Variants in MTOR observed in about 807,000 individuals in gnomAD.
MTOR encodes the protein mechanistic target of rapamycin kinase.
In MTOR, 70 loss-of-function variants were observed where a neutral mutation model predicts 319.8. The ratio of observed to expected loss-of-function variants is 0.22; its 90% confidence interval spans 0.18 to 0.27. MTOR has a LOEUF of 0.27. Among genes scored for constraint, MTOR ranks in the 10% least tolerant of loss-of-function variants. The pLI, the probability that MTOR is intolerant of heterozygous loss-of-function variation, is 1.00. For synonymous variants in MTOR, 1,183 were observed against 1,211.4 expected, an observed-to-expected ratio of 0.98 and a Z score of 0.49; for missense variants, 1,890 against 3,274.4, an observed-to-expected ratio of 0.58 and a Z score of 10.32.
At position 11,240,442 on chromosome 1, in the gene MTOR, G is replaced by A. The variant is rs946125453; in HGVS notation, c.1647C>T (p.His549=). The A allele has an allele frequency of 7.4e-6, 12 of 1,614,278 alleles. No homozygotes were observed. The highest frequency in any genetic ancestry group is 5.0e-5 in the Admixed American group (3 of 60,028). ...GCATGCCTGGGTGGCGAAGGGGTTT[G>A]TGCATAAGGACCAGGGACAGCATTT... ...LLKMLSLVLM[H]KPLRHPGMPK... is the part of the protein sequence containing the mutation. The change falls in exon 11 of 58, where the codon CAC becomes CAT. Residue 549 remains histidine (H), a synonymous_variant. Coordinates refer to ENST00000361445, the MANE Select transcript of MTOR (RefSeq NM_004958.4).
intron 6 of MTOR, among the ~76,000 whole-genome samples, chr1:11,249,114 C>T (rs1649243418): frequency 6.6e-6 from 1 of 151,974 alleles, no homozygotes; most frequent in South Asian, 2.1e-4. Flanking sequence ...CTCCCAGCTA[C>T]TCGGGAGGCT....
At chr1:11,188,541 GT>G (rs1181140913) in intron 28 of MTOR, among the ~76,000 whole-genome samples, 7 of 152,154 alleles carry the variant, frequency 4.6e-5, no homozygotes, top group Non-Finnish European at 1.0e-4. Context: ...CCTGTTCTCT[GT>G]CCTGCCTAGA....
chr1:11,150,072 C>A, intron 31 of MTOR, 54 bp downstream of exon 31: 1 of 1,510,136 alleles, frequency 6.6e-7, no homozygotes, highest in Non-Finnish European at 9.2e-7. Flanking sequence ...CTGATGCGAG[C>A]CCCTAGCCTC....
intron 4 of MTOR, 96 bp downstream of exon 4, chr1:11,256,836 GC>G (rs1650463391): frequency 1.7e-6 from 2 of 1,210,946 alleles, no homozygotes; most frequent in Admixed American, 2.1e-5. Flanking sequence ...CTTCTAACCA[GC>G]TTTTTTAAGG....
At chr1:11,259,917 C>A (rs1382117614) in intron 1 of MTOR, among the ~76,000 whole-genome samples, 2 of 152,022 alleles carry the variant, frequency 1.3e-5, no homozygotes, top group African/African-American at 4.8e-5. Flanking sequence ...CAAAAACAAA[C>A]GAAAACAAAA....
At position 11,127,509 on chromosome 1, in the gene MTOR, G is replaced by A. The variant is rs1642900360; in HGVS notation, c.6216+115C>T. The A allele has an allele frequency of 4.8e-6, 6 of 1,256,660 alleles. No individual in the cohort carries two copies. The South Asian group carries it at 9.5e-5, about 20-fold the overall frequency. 77.8% of individuals were successfully genotyped at this position (1,256,660 alleles called of 1,614,324 possible). Reference sequence around the variant, plus strand: ...GGAAAGGCCAGAGGAAAAGAAATCTGACAAAGGCCTTGGGTCACGTCCTTT... The same window carrying A: ...GGAAAGGCCAGAGGAAAAGAAATCTAACAAAGGCCTTGGGTCACGTCCTTT... On this transcript the variant is annotated intron_variant, in intron 44 of 57. Transcript: ENST00000361445. This position sits in a 1 kb window ranked among gnomAD's most constrained non-coding sequence, Gnocchi z 5.5.
intron 49 of MTOR, among the ~76,000 whole-genome samples, chr1:11,119,024 C>T (rs777621014): frequency 8.5e-5 from 13 of 152,114 alleles, no homozygotes; most frequent in Non-Finnish European, 1.6e-4. Context: ...AGGTGTGTAC[C>T]ATAGTGTCTG....
chr1:11,138,660 T>A (rs958536665), intron 36 of MTOR, among the ~76,000 whole-genome samples: 8 of 152,142 alleles, frequency 5.3e-5, no homozygotes, highest in African/African-American at 1.9e-4. Context: ...CCTCTTCCTT[T>A]TAAGAAGGAG....
At chr1:11,148,761 G>T (rs1300616252) in intron 31 of MTOR, among the ~76,000 whole-genome samples, 15 of 152,168 alleles carry the variant, frequency 9.9e-5, no homozygotes, top group African/African-American at 3.6e-4. Flanking sequence ...TTAGCCGGGC[G>T]TGGTGGCAGT....
intron 6 of MTOR, among the ~76,000 whole-genome samples, chr1:11,253,139 G>T (rs187574329): frequency 6.6e-5 from 10 of 152,200 alleles, no homozygotes; most frequent in Middle Eastern, 3.4e-3. Context: ...TTACCCTCTT[G>T]CTTACTCAGG....
rs893992251 is a variant in MTOR at position 11,157,119 on chromosome 1, C to G, written c.4469+33G>C. The G allele has an allele frequency of 1.2e-5, 18 of 1,559,674 alleles. 1 individual carries two copies. The highest frequency in any genetic ancestry group is 3.5e-4 in the Middle Eastern group (2 of 5,786). On this transcript the variant is annotated intron_variant, in intron 30 of 57. Coordinates refer to ENST00000361445, the MANE Select transcript of MTOR (RefSeq NM_004958.4). ...AAGATCAAAGAGACGAAGTCTCTTG[C>G]AGCCACACATGCCATCATTCTAGGA...
intron 49 of MTOR, among the ~76,000 whole-genome samples, chr1:11,119,160 G>A (rs1642358488): frequency 1.3e-5 from 2 of 152,142 alleles, no homozygotes; most frequent in Admixed American, 6.6e-5. Flanking sequence ...GCCAGGCACC[G>A]TGGCTCATGC....
chr1:11,110,471 C>T (rs866043520), intron 54 of MTOR, among the ~76,000 whole-genome samples: 4 of 151,684 alleles, frequency 2.6e-5, no homozygotes, highest in Admixed American at 2.0e-4. Context: ...GGCATGATAT[C>T]GGCTCACTGC....
chr1:11,205,385 T>C (rs1646105350), intron 25 of MTOR, among the ~76,000 whole-genome samples: 1 of 152,242 alleles, frequency 6.6e-6, no homozygotes, highest in Non-Finnish European at 1.5e-5. Flanking sequence ...TTATATAACA[T>C]AATTGGCTCT....
At chr1:11,183,540 A>G (rs528175817) in intron 28 of MTOR, among the ~76,000 whole-genome samples, 4 of 152,286 alleles carry the variant, frequency 2.6e-5, no homozygotes, top group African/African-American at 4.8e-5. Context: ...GATAATAGAA[A>G]TATTTCTTGC....
chr1:11,257,195 G>C, intron 3 of MTOR, 30 bp from the exon 4 acceptor site: 1 of 1,577,132 alleles, frequency 6.3e-7, no homozygotes. Flanking sequence ...AAAAGGTGAT[G>C]ATGGGGCGTA....
At chr1:11,231,086 C>T in intron 17 of MTOR, 32 bp from the exon 18 acceptor site, 1 of 1,614,042 alleles carries the variant, frequency 6.2e-7, no homozygotes, top group East Asian at 2.2e-5. Flanking sequence ...AAAAAGAAAA[C>T]ATTCATCACA....
intron 8 of MTOR, among the ~76,000 whole-genome samples, chr1:11,244,743 A>C (rs1304453425): frequency 2.0e-5 from 3 of 152,228 alleles, no homozygotes; most frequent in Non-Finnish European, 2.9e-5. Context: ...ATAATACAGT[A>C]TATTTTTACA....
At chr1:11,258,445 G>T (rs749456472) in intron 3 of MTOR, 40 bp downstream of exon 3, 1 of 1,385,696 alleles carries the variant, frequency 7.2e-7, no homozygotes, top group South Asian at 1.2e-5. Flanking sequence ...GGGCACAAAG[G>T]TGAGTGTGTT....
Sources: allele counts gnomAD v4.1 joint callset (sites outside exome capture counted in the v4.1 genomes callset), GRCh38; gene constraint gnomAD v4.1.1; non-coding constraint Gnocchi (gnomAD v3.1); transcripts MANE v1.5; gene names NCBI Gene and HGNC (gene_info 2026-07-23, HGNC 2026-07-21).